The following EFEMP1 variants were observed in gnomAD, a reference collection of about 807,000 sequenced individuals.
The protein encoded by EFEMP1 is EGF-containing fibulin-like extracellular matrix protein 1.
In EFEMP1, 18 loss-of-function variants were observed where a neutral mutation model predicts 65.7. The observed-to-expected ratio is 0.27, with a 90% confidence interval of 0.19 to 0.41. EFEMP1 has a LOEUF of 0.41. Among genes scored for constraint, EFEMP1 ranks in the 10% least tolerant of loss-of-function variants. The pLI is 1.00. For synonymous variants in EFEMP1, 237 were observed against 219.7 expected, an observed-to-expected ratio of 1.08 and a Z score of -0.70; for missense variants, 469 against 624.8, an observed-to-expected ratio of 0.75 and a Z score of 2.66.
intron 5 of EFEMP1, among the ~76,000 whole-genome samples, chr2:55,890,338 G>T (rs1669586490): frequency 6.6e-6 from 1 of 151,880 alleles, no homozygotes; most frequent in Non-Finnish European, 1.5e-5. Context: ...ATAAAAAAAT[G>T]AATGAAACTA....
chr2:55,905,526 C>A (rs554390377), intron 5 of EFEMP1, among the ~76,000 whole-genome samples: 1 of 152,132 alleles, frequency 6.6e-6, no homozygotes. Context: ...CGGCTCACTG[C>A]AACCTCCACC....
intron 5 of EFEMP1, among the ~76,000 whole-genome samples, chr2:55,906,012 T>C (rs1393635728): frequency 1.3e-5 from 2 of 152,210 alleles, no homozygotes; most frequent in Non-Finnish European, 2.9e-5. Flanking sequence ...TAATTTACAA[T>C]AGTTTTGCTA....
chr2:55,879,740 T>G (rs2104388700), intron 6 of EFEMP1, among the ~76,000 whole-genome samples: 1 of 152,308 alleles, frequency 6.6e-6, no homozygotes, highest in South Asian at 2.1e-4. Context: ...CTGCTGCTGG[T>G]TCATGGGCTA....
At chr2:55,910,821 G>A (rs1670454088) in intron 5 of EFEMP1, among the ~76,000 whole-genome samples, 1 of 152,170 alleles carries the variant, frequency 6.6e-6, no homozygotes, top group South Asian at 2.1e-4. Flanking sequence ...GGAAAGAGAT[G>A]GTTAGCTGTG....
Position 55,919,543 on chromosome 2 carries a change from A to G in EFEMP1, c.82-1276T>C, listed in dbSNP as rs1355229709. ...CAGGAAACAATCTGATCAGACGCTC[A>G]TTTGAGAAAGTCACTGTAAGGAAGA... On this transcript the variant is annotated intron_variant, in intron 3 of 11. Transcript: ENST00000355426. This position sits in a 1 kb window ranked among gnomAD's most constrained non-coding sequence, Gnocchi z 4.5. Among the ~76,000 whole-genome samples, 1 of 152,264 alleles carries G rather than the reference A, an allele frequency of 6.6e-6. No individual in the cohort carries two copies. The highest frequency in any genetic ancestry group is 2.4e-5 in the African/African-American group (1 of 41,472).
At chr2:55,882,622 TTTATA>T (rs1326092588) in intron 5 of EFEMP1, among the ~76,000 whole-genome samples, 1 of 152,186 alleles carries the variant, frequency 6.6e-6, no homozygotes, top group African/African-American at 2.4e-5. Context: ...CTGTATCACT[TTTATA>T]TTCATTCGGC....
chr2:55,922,329 C>T lies in EFEMP1; in HGVS notation c.81+31G>A, dbSNP rs1295788581. 2 of 1,604,006 alleles carry T rather than the reference C, an allele frequency of 1.2e-6. No individual in the cohort carries two copies. Among genetic ancestry groups the T allele is most frequent in the African/African-American group, 2.7e-5 (2 of 74,664 alleles). On this transcript the variant is annotated intron_variant, in intron 3 of 11. Transcript: ENST00000355426. This position sits in a 1 kb window ranked among gnomAD's most constrained non-coding sequence, Gnocchi z 5.5. ...TTTTTGTCACAGAATCCCGCTGAAC[C>T]GTACTTATTTCAAATTCCATCACCC...
At chr2:55,905,710 AAG>A (rs1361849816) in intron 5 of EFEMP1, among the ~76,000 whole-genome samples, 1 of 152,078 alleles carries the variant, frequency 6.6e-6, no homozygotes, top group East Asian at 1.9e-4. Context: ...CAGCCTCCCA[AAG>A]TGCTGGGATT....
Position 55,889,834 on chromosome 2 carries a change from A to AC in EFEMP1, c.518-8101_518-8100insG, listed in dbSNP as rs1553352915. ...ACAATAAAGGAATGGTAAAAAAAAA[A>AC]AATAAAACTACAAAGCTAATAGAGG... On this transcript the variant is annotated intron_variant, in intron 5 of 11. Transcript: ENST00000355426. Among the ~76,000 whole-genome samples, 47 of 151,910 alleles carry AC rather than the reference A, an allele frequency of 3.1e-4. 1 individual carries two copies. In the South Asian group the frequency reaches 9.5e-3, roughly 31 times the overall value.
chr2:55,909,765 A>T lies in EFEMP1; in HGVS notation c.517+7900T>A, dbSNP rs573777119. 3.2e-4 allele frequency among the ~76,000 whole-genome samples: 48 copies of T among 152,160 alleles called. 1 individual carries two copies. The highest frequency in any genetic ancestry group is 1.7e-3 in the South Asian group (8 of 4,824). ...TACTAGTTTTACATCTACTTTTGGC[A>T]ATTCATTATGTACTTCCAGTGATGT... On this transcript the variant is annotated intron_variant, in intron 5 of 11. Coordinates refer to ENST00000355426, the MANE Select transcript of EFEMP1 (RefSeq NM_001039348.3).
intron 11 of EFEMP1, among the ~76,000 whole-genome samples, chr2:55,869,784 C>T (rs567253751): frequency 1.6e-4 from 25 of 152,112 alleles, no homozygotes; most frequent in African/African-American, 4.6e-4. Context: ...AAACAGTTAC[C>T]GTAACTCTGC....
rs1464926822 is a variant in EFEMP1, at chr2:55,885,258, C to T, written c.518-3524G>A. On this transcript the variant is annotated intron_variant, in intron 5 of 11. Transcript: ENST00000355426. The surrounding 1 kb of genome is among the most constrained non-coding windows in gnomAD (Gnocchi z 4.3). ...AGAAAGCAGCTCACATTAGAAAATG[C>T]TGATAAGACAAAACTGGTTTCCATG... Among the ~76,000 whole-genome samples the T allele has an allele frequency of 6.6e-6, 1 of 152,158 alleles. No individual in the cohort carries two copies. Among genetic ancestry groups the T allele is most frequent in the Non-Finnish European group, 1.5e-5 (1 of 68,028 alleles).
At chr2:55,897,066 A>G (rs999620437) in intron 5 of EFEMP1, among the ~76,000 whole-genome samples, 1 of 152,182 alleles carries the variant, frequency 6.6e-6, no homozygotes, top group African/African-American at 2.4e-5. Flanking sequence ...ACTTGCCAAG[A>G]CGGAGGCCTG....
At chr2:55,908,688 C>T (rs972790437) in intron 5 of EFEMP1, among the ~76,000 whole-genome samples, 10 of 152,010 alleles carry the variant, frequency 6.6e-5, no homozygotes, top group Admixed American at 2.6e-4. Flanking sequence ...CATTGCACCC[C>T]ATAAATATGT....
Position 55,917,729 on chromosome 2 carries a change from G to A in EFEMP1, c.453C>T (p.Ser151=). The change falls in exon 5 of 12, where the codon TCC becomes TCT. Residue 151 remains serine, a synonymous_variant. Transcript: ENST00000355426. The surrounding 1 kb of genome is among the most constrained non-coding windows in gnomAD (Gnocchi z 6.3). ...RNPADPQRIP[S]NPSHRIQCAA... is the part of the protein sequence containing the mutation. Reference sequence around the variant, plus strand: ...CACACTGGATACGGTGGGAAGGGTTGGAGGGAATGCGCTGAGGGTCAGCTG... The same window carrying A: ...CACACTGGATACGGTGGGAAGGGTTAGAGGGAATGCGCTGAGGGTCAGCTG... 4.3e-6 allele frequency: 7 copies of A among 1,614,208 alleles called. No homozygotes were observed. The highest frequency in any genetic ancestry group is 5.9e-6 in the Non-Finnish European group (7 of 1,180,028).
At chr2:55,882,930 C>G (rs1669299008) in intron 5 of EFEMP1, among the ~76,000 whole-genome samples, 1 of 152,014 alleles carries the variant, frequency 6.6e-6, no homozygotes, top group East Asian at 1.9e-4. Context: ...TCTGTCTTCC[C>G]TCTAAGAATC....
chr2:55,910,984 G>A (rs1670459826), intron 5 of EFEMP1, among the ~76,000 whole-genome samples: 1 of 152,116 alleles, frequency 6.6e-6, no homozygotes, highest in Non-Finnish European at 1.5e-5. Context: ...TGAACTTAAG[G>A]AGGAGCCCTA....
Position 55,867,170 on chromosome 2 carries a change from A to T in EFEMP1, c.1385T>A (p.Ile462Asn). 6.2e-7 allele frequency: 1 copy of T among 1,614,026 alleles called. No homozygotes were observed. Among genetic ancestry groups the T allele is most frequent in the South Asian group, 1.1e-5 (1 of 91,068 alleles). ...GACTGTCAGCATCTCCAGGTCCACG[A>T]TATGTTCTCTTGGTCCTGATAATGA... Reference protein sequence around the residue: ...VKSLSGPREHIVDLEMLTVSS... With the variant: ...VKSLSGPREHNVDLEMLTVSS... The change falls in exon 12 of 12, where the codon ATC (isoleucine) becomes AAC (asparagine). Residue 462 changes from isoleucine to asparagine, a missense_variant. Ile to Asn is a moderately radical substitution (Grantham distance 149). This residue lies in a region of EFEMP1 where 399 missense variants were observed against 528.2 expected (regional missense o/e 0.76). Transcript: ENST00000355426. The surrounding 1 kb of genome is among the most constrained non-coding windows in gnomAD (Gnocchi z 4.3).
chr2:55,894,243 GA>G (rs1460968325), intron 5 of EFEMP1, among the ~76,000 whole-genome samples: 44 of 152,204 alleles, frequency 2.9e-4, no homozygotes, highest in African/African-American at 1.0e-3. Context: ...CTATGAAAAA[GA>G]TATGAAAAAT....
Sources: allele counts gnomAD v4.1 joint callset (sites outside exome capture counted in the v4.1 genomes callset), GRCh38; gene constraint gnomAD v4.1.1; regional missense constraint gnomAD v4.1.1; non-coding constraint Gnocchi (gnomAD v3.1); transcripts MANE v1.5; gene names NCBI Gene and HGNC (gene_info 2026-07-23, HGNC 2026-07-21).